Variants in TENM4 observed in about 807,000 individuals in gnomAD.
TENM4 encodes the protein teneurin-4.
In TENM4, 82 loss-of-function variants were observed where a neutral mutation model predicts 243.3. The observed-to-expected ratio is 0.34, with a 90% CI of 0.28 to 0.40. The LOEUF (loss-of-function observed/expected upper bound fraction) is 0.40. TENM4 is among the 10% of genes least tolerant of loss of function. The pLI, the probability that TENM4 is intolerant of heterozygous loss-of-function variation, is 1.00. For synonymous variants in TENM4, 1,412 were observed against 1,456.3 expected (o/e 0.97, Z 0.69); for missense variants, 3,138 against 3,673.3 (o/e 0.85, Z 3.77).
At chr11:79,199,682 C>A (rs1306173307) in intron 3 of TENM4, among the ~76,000 whole-genome samples, 1 of 152,142 alleles carries the variant, frequency 6.6e-6, no homozygotes. Flanking sequence ...GGATGTGGTG[C>A]CCTTGTAGTC....
At position 79,069,905 on chromosome 11, in the gene TENM4, G is replaced by C. The variant is rs947277837; in HGVS notation, c.40C>G (p.Arg14Gly). The C allele has an allele frequency of 1.7e-5, 27 of 1,547,616 alleles. No homozygotes were observed. The highest frequency in any genetic ancestry group is 2.2e-5 in the Non-Finnish European group (25 of 1,146,678). ...TAGCGGCGCTCGGCGTCGCGGCGCC[G>C]GGTCAGCGAGCGGTAAGGCTTCCTC... ...KERKPYRSLT[R>G]RRDAERRYTS... Residue 14 changes from arginine (R) to glycine (G), a missense_variant, in exon 5 of 34, where the codon CGG (arginine) becomes GGG (glycine). By Grantham distance (125) the Arg-to-Gly change is moderately radical. Around this residue, in one of 2 missense-constraint regions of TENM4, gnomAD observed 671 missense variants for 614.1 expected, o/e 1.09. Transcript: ENST00000278550.
intron 18 of TENM4, among the ~76,000 whole-genome samples, chr11:78,768,827 T>C: frequency 6.6e-6 from 1 of 152,200 alleles, no homozygotes; most frequent in East Asian, 1.9e-4. Flanking sequence ...CCCCGAGCTG[T>C]GGGCTTTGGG....
intron 6 of TENM4, among the ~76,000 whole-genome samples, chr11:78,952,709 C>A (rs1459670040): frequency 6.6e-6 from 1 of 152,172 alleles, no homozygotes. Context: ...CTATTATTTT[C>A]CAAGAGAAGA....
intron 1 of TENM4, among the ~76,000 whole-genome samples, chr11:79,414,298 C>G (rs768686375): frequency 1.3e-5 from 2 of 152,210 alleles, no homozygotes; most frequent in Non-Finnish European, 2.9e-5. Flanking sequence ...CGACTCTGCA[C>G]TGGAAGACCT....
intron 15 of TENM4, among the ~76,000 whole-genome samples, chr11:78,792,435 C>A (rs560473978): frequency 6.6e-6 from 1 of 152,262 alleles, no homozygotes; most frequent in African/African-American, 2.4e-5. Flanking sequence ...TTACAGAGTT[C>A]TTGATTGAAC....
chr11:79,266,976 A>G (rs1855893916), intron 2 of TENM4, among the ~76,000 whole-genome samples: 1 of 152,196 alleles, frequency 6.6e-6, no homozygotes, highest in Non-Finnish European at 1.5e-5. Context: ...CATTTTGGAT[A>G]TCTTATAGGA....
intron 7 of TENM4, among the ~76,000 whole-genome samples, chr11:78,901,017 C>T (rs1855917217): frequency 6.6e-6 from 1 of 151,786 alleles, no homozygotes; most frequent in Non-Finnish European, 1.5e-5. Flanking sequence ...ACCGGGGCTT[C>T]AAGAATAAGT....
chr11:78,843,860 T>C (rs1379553464), intron 12 of TENM4, among the ~76,000 whole-genome samples: 1 of 152,162 alleles, frequency 6.6e-6, no homozygotes, highest in Non-Finnish European at 1.5e-5. Context: ...CTTGAAAGGG[T>C]GGCTGTGCCT....
chr11:79,389,886 C>T (rs1168746584), intron 1 of TENM4, among the ~76,000 whole-genome samples: 1 of 152,102 alleles, frequency 6.6e-6, no homozygotes, highest in Non-Finnish European at 1.5e-5. Context: ...TCAATTTCAC[C>T]CCTTGGATTG....
At chr11:78,831,316 G>A (rs921334985) in intron 12 of TENM4, among the ~76,000 whole-genome samples, 1 of 152,198 alleles carries the variant, frequency 6.6e-6, no homozygotes, top group African/African-American at 2.4e-5. Context: ...GACCAAGGTG[G>A]GACCTAACTC....
At chr11:79,163,123 T>C (rs1285445046) in intron 3 of TENM4, among the ~76,000 whole-genome samples, 2 of 152,018 alleles carry the variant, frequency 1.3e-5, no homozygotes, top group Non-Finnish European at 2.9e-5. Context: ...ACCAGTTCAT[T>C]GGGAGGACAG....
rs367947993 is a variant in TENM4 at position 79,039,750 on chromosome 11, T to G, written c.493+24988A>C. 2.0e-5 allele frequency among the ~76,000 whole-genome samples: 3 copies of G among 152,256 alleles called. No individual in the cohort carries two copies. The South Asian group carries it at 6.2e-4, about 32-fold the overall frequency. ...AATCACCATGGCACGTGTATACCTA[T>G]GTAACAAACCTGCACGTTCAGCACA... On this transcript the variant is annotated intron_variant, in intron 6 of 33. Coordinates refer to ENST00000278550, the MANE Select transcript of TENM4 (RefSeq NM_001098816.3).
At chr11:79,044,321 A>G (rs1348097045) in intron 6 of TENM4, among the ~76,000 whole-genome samples, 2 of 152,224 alleles carry the variant, frequency 1.3e-5, no homozygotes, top group Non-Finnish European at 2.9e-5. Flanking sequence ...CTTGGCAAGA[A>G]GGTCAGGGCA....
intron 6 of TENM4, among the ~76,000 whole-genome samples, chr11:79,011,667 G>A (rs1858646446): frequency 2.0e-5 from 3 of 152,210 alleles, no homozygotes; most frequent in African/African-American, 7.2e-5. Flanking sequence ...CCCCTATCCA[G>A]CTTCATGGAG....
chr11:79,087,543 C>G (rs542757160), intron 4 of TENM4, among the ~76,000 whole-genome samples: 1 of 152,326 alleles, frequency 6.6e-6, no homozygotes, highest in South Asian at 2.1e-4. Context: ...TACAAGGCTT[C>G]CAAATCAAAC....
intron 6 of TENM4, among the ~76,000 whole-genome samples, chr11:78,968,566 C>T (rs1317773870): frequency 1.3e-5 from 2 of 152,022 alleles, no homozygotes; most frequent in African/African-American, 2.4e-5. Context: ...TGGGCTAACA[C>T]AGTTAGGGAG....
chr11:78,846,724 T>C (rs981535382), intron 12 of TENM4, among the ~76,000 whole-genome samples: 7 of 129,370 alleles, frequency 5.4e-5, no homozygotes, highest in Non-Finnish European at 1.1e-4. Context: ...CAAGGCCAAG[T>C]ACCATGTCTG....
chr11:79,013,704 G>C (rs918561047), intron 6 of TENM4, among the ~76,000 whole-genome samples: 1 of 152,214 alleles, frequency 6.6e-6, no homozygotes, highest in African/African-American at 2.4e-5. Flanking sequence ...GAAAGCAGCA[G>C]CTCCTTGCCT....
At chr11:78,805,569 C>G (rs1857373232) in intron 14 of TENM4, 77 bp from the exon 15 acceptor site, 1 of 1,508,010 alleles carries the variant, frequency 6.6e-7, no homozygotes. Context: ...AACTACTTAG[C>G]TTTGTGGCCA....
Sources: gnomAD v4.1 joint callset for allele counts (sites outside exome capture counted in the v4.1 genomes callset) on GRCh38, gnomAD v4.1.1 for gene constraint, gnomAD v4.1.1 regional missense constraint, MANE v1.5 for transcripts, NCBI Gene and HGNC (gene_info 2026-07-23, HGNC 2026-07-21) for gene names.